The following KMT2C variants were observed in gnomAD, a reference collection of about 807,000 sequenced individuals.
KMT2C encodes the protein histone-lysine N-methyltransferase 2C.
Under a neutral mutation model 507.9 loss-of-function variants are expected in KMT2C, and 88 were observed. The observed-to-expected ratio is 0.17, with a 90% CI of 0.15 to 0.21. The LOEUF (loss-of-function observed/expected upper bound fraction) is 0.21. Among genes scored for constraint, KMT2C ranks in the 10% least tolerant of loss-of-function variants. The probability of loss-of-function intolerance (pLI) is 1.00; values close to 1 mark genes in which losing one functional copy is unlikely to be tolerated. For missense variants in KMT2C, 4,954 were observed against 5,957.8 expected (o/e 0.83, Z 5.55); for synonymous variants, 2,049 against 2,080.8 (o/e 0.98, Z 0.42).
Position 152,176,715 on chromosome 7 carries a change from C to A in KMT2C, c.8738G>T (p.Gly2913Val), listed in dbSNP as rs2129113510. The A allele has an allele frequency of 1.2e-6, 2 of 1,614,100 alleles. 1 individual carries two copies. The highest frequency in any genetic ancestry group is 3.3e-4 in the Middle Eastern group (2 of 6,062). ...QDVINSCGIT[G>V]STPVLSSLLA... ...TAAACTTGAGAGAACTGGAGTTGATCCAGTTATGCCACAAGAGTTTATTAC... is the reference window on the plus strand; with the variant it reads ...TAAACTTGAGAGAACTGGAGTTGATACAGTTATGCCACAAGAGTTTATTAC... Residue 2913 changes from glycine (G) to valine (V), a missense_variant, in exon 38 of 59, where the codon GGA becomes GTA. Physicochemically the swap from Gly to Val is moderately radical, Grantham distance 109. Transcript: ENST00000262189.
intron 2 of KMT2C, among the ~76,000 whole-genome samples, chr7:152,344,823 T>C (rs2097039521): frequency 6.6e-6 from 1 of 151,950 alleles, no homozygotes; most frequent in African/African-American, 2.4e-5. Flanking sequence ...CCGTCTCTAC[T>C]AAAAATATTA....
intron 3 of KMT2C, among the ~76,000 whole-genome samples, chr7:152,319,172 G>A (rs758321335): frequency 6.6e-6 from 1 of 152,118 alleles, no homozygotes; most frequent in African/African-American, 2.4e-5. Flanking sequence ...AAGCCACCCA[G>A]GTGCCGAGGC....
rs1563786000 is a variant in KMT2C, at chr7:152,302,297, C to G, written c.849+7669G>C. On this transcript the variant is annotated intron_variant, in intron 6 of 58. Transcript: ENST00000262189. ...GGAGTGCAATAGAACGATCTTGGCTCACTGCAATCTCTGCCTCCAGGATTC... is the reference window on the plus strand; with the variant it reads ...GGAGTGCAATAGAACGATCTTGGCTGACTGCAATCTCTGCCTCCAGGATTC... Among the ~76,000 whole-genome samples, 4 of 152,126 alleles carry G rather than the reference C, an allele frequency of 2.6e-5. 1 individual carries two copies. Among genetic ancestry groups the G allele is most frequent in the Non-Finnish European group, 5.9e-5 (4 of 68,016 alleles).
chr7:152,358,805 T>G, intron 1 of KMT2C, 130 bp from the exon 2 acceptor site: 1 of 600,914 alleles, frequency 1.7e-6, no homozygotes, highest in Non-Finnish European at 2.9e-6. Context: ...TTCCAGCATT[T>G]TACCATATCA....
At chr7:152,201,617 G>GGAGA (rs1491277955) in intron 26 of KMT2C, among the ~76,000 whole-genome samples, 1 of 22,874 alleles carries the variant, frequency 4.4e-5, no homozygotes, top group African/African-American at 8.2e-5. Context: ...CAACAAAGAT[G>GGAGA]AAAAAAAAAA....
chr7:152,238,766 C>T lies in KMT2C; in HGVS notation c.2593G>A (p.Gly865Ser). ...PPSWSPDISEGREIFKPRQLP... is the reference protein window; with the variant it reads ...PPSWSPDISESREIFKPRQLP... ...TGCCTGGGTTTAAAAATTTCCCGAC[C>T]TTCTGAAATGTCTGGGGACCAGGAA... Residue 865 changes from glycine (G) to serine (S), a missense_variant, in exon 15 of 59, where the codon GGT becomes AGT. Gly to Ser is a moderately conservative substitution (Grantham distance 56). Coordinates refer to ENST00000262189, the MANE Select transcript of KMT2C (RefSeq NM_170606.3). 1.2e-6 allele frequency: 2 copies of T among 1,610,402 alleles called. No homozygotes were observed. The highest frequency in any genetic ancestry group is 1.7e-6 in the Non-Finnish European group (2 of 1,179,128).
chr7:152,218,109 CCAAAACACACTA>C (rs1304869024), intron 23 of KMT2C, among the ~76,000 whole-genome samples: 5 of 152,044 alleles, frequency 3.3e-5, no homozygotes, highest in African/African-American at 7.2e-5. Flanking sequence ...TAACATAGAC[CCAAAACACACTA>C]CAAAACAAAA....
rs1030564044 is a variant in KMT2C at position 152,135,271 on chromosome 7, T to C, written c.*1561A>G. 1 of 220,456 alleles carries C rather than the reference T, an allele frequency of 4.5e-6. No homozygotes were observed. The highest frequency in any genetic ancestry group is 9.1e-6 in the Non-Finnish European group (1 of 109,786). 13.7% of individuals were successfully genotyped at this position (220,456 alleles called of 1,614,324 possible). On this transcript the variant is annotated 3_prime_UTR_variant, in exon 59 of 59. Coordinates refer to ENST00000262189, the MANE Select transcript of KMT2C (RefSeq NM_170606.3). ...ACCAACAGTTTACAGTCCACTTGAA[T>C]TGTGCACACAAAACTTCATTTTATA...
At chr7:152,256,775 T>C (rs1169540902) in intron 9 of KMT2C, among the ~76,000 whole-genome samples, 7 of 152,050 alleles carry the variant, frequency 4.6e-5, no homozygotes, top group Non-Finnish European at 1.0e-4. Context: ...TCAACTTCAC[T>C]CAGGATAAAC....
chr7:152,176,136 G>T (rs1426268997), intron 38 of KMT2C, 55 bp downstream of exon 38: 4 of 1,427,090 alleles, frequency 2.8e-6, no homozygotes, highest in Non-Finnish European at 3.8e-6. Flanking sequence ...TAAGCATATC[G>T]CATGCCACTC....
intron 9 of KMT2C, among the ~76,000 whole-genome samples, chr7:152,255,130 T>TAC (rs1365524025): frequency 8.1e-6 from 1 of 123,186 alleles, no homozygotes; most frequent in African/African-American, 3.5e-5. Flanking sequence ...TATATATATA[T>TAC]ATATATATAT....
intron 1 of KMT2C, among the ~76,000 whole-genome samples, chr7:152,387,509 G>C (rs542378392): frequency 8.1e-5 from 11 of 135,960 alleles, no homozygotes; most frequent in African/African-American, 2.6e-4. Context: ...CTCGCTCTGT[G>C]GCCCAGGCTG....
chr7:152,296,462 A>G (rs1420756331), intron 6 of KMT2C, among the ~76,000 whole-genome samples: 1 of 151,304 alleles, frequency 6.6e-6, no homozygotes, highest in African/African-American at 2.4e-5. Context: ...AGAGAGAGAG[A>G]GAGAAATATG....
At chr7:152,417,048 CAAAAAAAAAAAA>C (rs34690030) in intron 1 of KMT2C, among the ~76,000 whole-genome samples, 1 of 67,326 alleles carries the variant, frequency 1.5e-5, no homozygotes, top group Non-Finnish European at 3.7e-5. Flanking sequence ...GACATCATCT[CAAAAAAAAAAAA>C]AAAAAAAAGA....
At chr7:152,161,620 A>G (rs1227856673) in intron 43 of KMT2C, among the ~76,000 whole-genome samples, 1 of 152,256 alleles carries the variant, frequency 6.6e-6, no homozygotes, top group Non-Finnish European at 1.5e-5. Flanking sequence ...TGATACATGG[A>G]AAACTACAAA....
At chr7:152,145,325 A>ACC (rs750448075) in intron 53 of KMT2C, 30 bp from the exon 54 acceptor site, 21 of 1,609,198 alleles carry the variant, frequency 1.3e-5, no homozygotes, top group Non-Finnish European at 1.7e-5. Flanking sequence ...ACACAAAGTC[A>ACC]CCCCATCTGA....
intron 41 of KMT2C, among the ~76,000 whole-genome samples, chr7:152,168,039 T>C (rs1244359835): frequency 6.6e-6 from 1 of 152,218 alleles, no homozygotes; most frequent in Non-Finnish European, 1.5e-5. Flanking sequence ...TTTCTACTTT[T>C]ACAACTGCCA....
intron 3 of KMT2C, among the ~76,000 whole-genome samples, chr7:152,319,470 G>A (rs867766311): frequency 1.2e-4 from 19 of 152,126 alleles, no homozygotes; most frequent in South Asian, 8.3e-4. Context: ...TGGTCCCAGC[G>A]TCTGGGAAGA....
Position 152,144,987 on chromosome 7 carries a change from T to C in KMT2C, c.14175-106A>G. 1 of 1,395,800 alleles carries C rather than the reference T, an allele frequency of 7.2e-7. No homozygotes were observed. Among genetic ancestry groups the C allele is most frequent in the Non-Finnish European group, 9.7e-7 (1 of 1,031,458 alleles). The allele number at this position is 1,395,800 out of a possible 1,614,324, so 86.5% of individuals were successfully genotyped here. On this transcript the variant is annotated intron_variant, in intron 54 of 58. Coordinates refer to ENST00000262189, the MANE Select transcript of KMT2C (RefSeq NM_170606.3). The surrounding 1 kb of genome is among the most constrained non-coding windows in gnomAD (Gnocchi z 4.4). ...ATTCAGATTCTTACTGACAGAAACA[T>C]ACATGGAAAGCTGCCTAGCAGAGAC...
Sources: allele counts gnomAD v4.1 joint callset (sites outside exome capture counted in the v4.1 genomes callset), GRCh38; gene constraint gnomAD v4.1.1; non-coding constraint Gnocchi (gnomAD v3.1); transcripts MANE v1.5; gene names NCBI Gene and HGNC (gene_info 2026-07-23, HGNC 2026-07-21).